Variants in DAZL observed in about 807,000 individuals in gnomAD.
The protein encoded by DAZL is deleted in azoospermia like, also known as deleted in azoospermia-like.
A neutral mutation model predicts 45.0 loss-of-function variants in DAZL; 4 were observed. That is an observed-to-expected ratio of 0.09 (90% CI 0.04 to 0.20). The LOEUF (loss-of-function observed/expected upper bound fraction) is 0.20. Among genes scored for constraint, DAZL ranks in the 10% least tolerant of loss-of-function variants. The pLI is 1.00. For missense variants in DAZL, 326 were observed against 351.3 expected, an observed-to-expected ratio of 0.93 and a Z score of 0.58; for synonymous variants, 122 against 112.4, an observed-to-expected ratio of 1.09 and a Z score of -0.54.
chr3:16,588,489 A>G lies in DAZL; in HGVS notation c.*171T>C. ...TTCAACACAGAACCAGTTTCTAAATAAACATCTAATGAAGAACAGTTTAAG... is the reference window on the plus strand; with the variant it reads ...TTCAACACAGAACCAGTTTCTAAATGAACATCTAATGAAGAACAGTTTAAG... On this transcript the variant is annotated 3_prime_UTR_variant, in exon 11 of 11. Transcript: ENST00000399444. 1.8e-6 allele frequency: 1 copy of G among 563,882 alleles called. No individual in the cohort carries two copies. The highest frequency in any genetic ancestry group is 2.5e-5 in the South Asian group (1 of 40,292). 34.9% of individuals were successfully genotyped at this position (563,882 alleles called of 1,614,324 possible).
rs1575414735 is a variant in DAZL at position 16,588,683 on chromosome 3, G to A, written c.865C>T (p.Arg289Trp). The A allele has an allele frequency of 6.2e-7, 1 of 1,611,522 alleles. No individual in the cohort carries two copies. The highest frequency in any genetic ancestry group is 8.5e-7 in the Non-Finnish European group (1 of 1,178,186). ...DKRVHHFRRS[R>W]AMLKSV is the part of the protein sequence containing the mutation. The stretch of plus-strand genomic sequence containing the variant: ...GATCAAACAGATTTAAGCATTGCCC[G>A]ACTTCTTCTAAAGTGATGCACTCTT... The change falls in exon 11 of 11, where the codon CGG becomes TGG. Residue 289 changes from arginine to tryptophan, a missense_variant. Around this residue, in one of 3 missense-constraint regions of DAZL, gnomAD observed 227 missense variants for 216.6 expected, o/e 1.05. Transcript: ENST00000399444.
At chr3:16,602,745 T>C (rs958163418) in intron 1 of DAZL, among the ~76,000 whole-genome samples, 4 of 152,226 alleles carry the variant, frequency 2.6e-5, no homozygotes, top group Admixed American at 1.3e-4. Context: ...TTTTAAATTA[T>C]CTAAATATCC....
chr3:16,602,163 C>A (rs2125048844), intron 1 of DAZL, among the ~76,000 whole-genome samples: 1 of 151,960 alleles, frequency 6.6e-6, no homozygotes, highest in East Asian at 1.9e-4. Flanking sequence ...ACAATCCTGG[C>A]AAAACTAAGC....
intron 1 of DAZL, among the ~76,000 whole-genome samples, chr3:16,602,665 A>G (rs1694710167): frequency 1.3e-5 from 2 of 152,370 alleles, no homozygotes; most frequent in South Asian, 4.1e-4. Context: ...TGGAAATGCA[A>G]GAATACTTCA....
At chr3:16,600,119 T>C (rs1362041940) in intron 1 of DAZL, among the ~76,000 whole-genome samples, 2 of 152,188 alleles carry the variant, frequency 1.3e-5, no homozygotes, top group African/African-American at 2.4e-5. Context: ...TTAAAAATCA[T>C]TGGTGAAGTG....
intron 1 of DAZL, among the ~76,000 whole-genome samples, chr3:16,599,607 A>G (rs1204799211): frequency 6.6e-6 from 1 of 152,206 alleles, no homozygotes; most frequent in Non-Finnish European, 1.5e-5. Flanking sequence ...AATTCTAATT[A>G]TCACAGTAGG....
intron 6 of DAZL, 26 bp downstream of exon 6, chr3:16,596,724 G>C: frequency 6.2e-7 from 1 of 1,611,986 alleles, no homozygotes; most frequent in Non-Finnish European, 8.5e-7. Flanking sequence ...ATAAACAAGA[G>C]AATAGGAACG....
intron 1 of DAZL, among the ~76,000 whole-genome samples, chr3:16,599,554 G>T (rs1330516456): frequency 1.3e-5 from 2 of 152,084 alleles, no homozygotes; most frequent in African/African-American, 2.4e-5. Flanking sequence ...ATCATTTTTT[G>T]AAATAACATT....
In DAZL at chr3:16,605,374, C is replaced by G. The variant is rs1445439820; in HGVS notation, c.-169G>C. 2.5e-6 allele frequency: 2 copies of G among 807,756 alleles called. No individual in the cohort carries two copies. The highest frequency in any genetic ancestry group is 4.2e-6 in the Non-Finnish European group (2 of 475,360). 50.0% of individuals were successfully genotyped at this position (807,756 alleles called of 1,614,324 possible). On this transcript the variant is annotated 5_prime_UTR_variant, in exon 1 of 11. Coordinates refer to ENST00000399444, the MANE Select transcript of DAZL (RefSeq NM_001351.4). Reference sequence around the variant, plus strand: ...GGAAAACCAAGAGCGGGTGACAAGGCTGAGGAGCCCCGAAAGGCGGACCGT... The same window carrying G: ...GGAAAACCAAGAGCGGGTGACAAGGGTGAGGAGCCCCGAAAGGCGGACCGT...
intron 1 of DAZL, 131 bp downstream of exon 1, chr3:16,605,072 G>A (rs1325570303): frequency 2.0e-5 from 24 of 1,182,640 alleles, no homozygotes; most frequent in African/African-American, 3.0e-5. Context: ...CATGGCTGTG[G>A]TGCGTCCAGG....
intron 10 of DAZL, among the ~76,000 whole-genome samples, chr3:16,589,899 TAAAAAAAA>T (rs34303748): frequency 5.0e-4 from 72 of 144,014 alleles, no homozygotes; most frequent in Non-Finnish European, 9.2e-4. Flanking sequence ...TTCTGTCTCT[TAAAAAAAA>T]AAAAAAAATC....
chr3:16,596,712 C>A (rs780932877), intron 6 of DAZL, 38 bp downstream of exon 6: 3 of 1,608,646 alleles, frequency 1.9e-6, no homozygotes, highest in Non-Finnish European at 1.7e-6. Context: ...ACGATGACTA[C>A]AATAAACAAG....
chr3:16,604,532 A>AG (rs1455148994), intron 1 of DAZL: 1 of 1,472,422 alleles, frequency 6.8e-7, no homozygotes, highest in Non-Finnish European at 8.9e-7. Context: ...GACAGGCGCG[A>AG]GGGGACCAGA....
Position 16,588,483 on chromosome 3 carries a change from C to T in DAZL, c.*177G>A, listed in dbSNP as rs553667707. On this transcript the variant is annotated 3_prime_UTR_variant, in exon 11 of 11. Transcript: ENST00000399444. ...CTATATTTCAACACAGAACCAGTTT[C>T]TAAATAAACATCTAATGAAGAACAG... 1.1e-4 allele frequency: 60 copies of T among 545,552 alleles called. No homozygotes were observed. Among genetic ancestry groups the T allele is most frequent in the African/African-American group, 1.0e-3 (54 of 53,420 alleles). 33.8% of individuals were successfully genotyped at this position (545,552 alleles called of 1,614,324 possible).
At chr3:16,597,157 C>T in intron 4 of DAZL, 106 bp from the exon 5 acceptor site, 4 of 1,295,446 alleles carry the variant, frequency 3.1e-6, no homozygotes, top group Non-Finnish European at 4.4e-6. Flanking sequence ...CATAGAAGAT[C>T]AGTGATAACT....
intron 7 of DAZL, 50 bp from the exon 8 acceptor site, chr3:16,594,633 T>G: frequency 7.0e-7 from 1 of 1,425,002 alleles, no homozygotes. Flanking sequence ...TTCCTACAAA[T>G]TTTCAAAAAC....
At chr3:16,601,734 T>C (rs1440704493) in intron 1 of DAZL, among the ~76,000 whole-genome samples, 1 of 151,554 alleles carries the variant, frequency 6.6e-6, no homozygotes, top group Non-Finnish European at 1.5e-5. Context: ...TTGGTGAATT[T>C]TGAAATGAGA....
At chr3:16,604,752 G>A in intron 1 of DAZL, 7 of 1,361,130 alleles carry the variant, frequency 5.1e-6, no homozygotes, top group Admixed American at 3.3e-5. Context: ...GGGAGAGCGC[G>A]CCAGAAATGA....
chr3:16,592,497 AG>A (rs1462381466), intron 9 of DAZL, among the ~76,000 whole-genome samples: 2 of 151,484 alleles, frequency 1.3e-5, no homozygotes, highest in Admixed American at 6.6e-5. Context: ...TGAATCCAGG[AG>A]GTGGAAATTG....
Sources: gnomAD v4.1 joint callset for allele counts (sites outside exome capture counted in the v4.1 genomes callset) on GRCh38, gnomAD v4.1.1 for gene constraint, gnomAD v4.1.1 regional missense constraint, MANE v1.5 for transcripts, NCBI Gene and HGNC (gene_info 2026-07-23, HGNC 2026-07-21) for gene names.